The following MAN1A1 variants were observed in gnomAD, a reference collection of about 807,000 sequenced individuals.
MAN1A1 encodes mannosidase alpha class 1A member 1.
A neutral mutation model predicts 70.8 loss-of-function variants in MAN1A1; 29 were observed. The ratio of observed to expected loss-of-function variants is 0.41; its 90% CI spans 0.31 to 0.56. The LOEUF (loss-of-function observed/expected upper bound fraction) is 0.56. Among genes scored for constraint, MAN1A1 ranks in the 20% least tolerant of loss-of-function variants. The pLI is 0.29. For missense variants in MAN1A1, 747 were observed against 841.3 expected (o/e 0.89, Z 1.39); for synonymous variants, 349 against 330.1 (o/e 1.06, Z -0.62).
intron 5 of MAN1A1, among the ~76,000 whole-genome samples, chr6:119,262,319 G>C (rs1775633867): frequency 6.6e-6 from 1 of 151,964 alleles, no homozygotes; most frequent in South Asian, 2.1e-4. Flanking sequence ...ATAACCATGG[G>C]AAAAAGAAAC....
At chr6:119,313,520 A>G (rs1282635978) in intron 2 of MAN1A1, among the ~76,000 whole-genome samples, 1 of 152,106 alleles carries the variant, frequency 6.6e-6, no homozygotes, top group Non-Finnish European at 1.5e-5. Context: ...AAGGTGTTCT[A>G]TTTTCAAGAT....
At chr6:119,269,894 C>T (rs1775869368) in intron 5 of MAN1A1, among the ~76,000 whole-genome samples, 1 of 152,212 alleles carries the variant, frequency 6.6e-6, no homozygotes, top group South Asian at 2.1e-4. Flanking sequence ...CTCCTGGGTT[C>T]AAGCTATCCT....
At chr6:119,265,547 A>T (rs1040570981) in intron 5 of MAN1A1, among the ~76,000 whole-genome samples, 1 of 152,196 alleles carries the variant, frequency 6.6e-6, no homozygotes, top group Non-Finnish European at 1.5e-5. Context: ...ATTTAAAAAA[A>T]TTTCCTAAGG....
chr6:119,324,696 A>AC (rs1773102065), intron 2 of MAN1A1, among the ~76,000 whole-genome samples: 1 of 152,244 alleles, frequency 6.6e-6, no homozygotes, highest in African/African-American at 2.4e-5. Context: ...TGTAGAACTC[A>AC]GAGCCCTATG....
intron 5 of MAN1A1, among the ~76,000 whole-genome samples, chr6:119,252,985 G>A (rs1775365219): frequency 6.6e-6 from 1 of 151,914 alleles, no homozygotes; most frequent in South Asian, 2.1e-4. Flanking sequence ...TTTGAGGCAA[G>A]TTGGAAAGGT....
In MAN1A1 at chr6:119,193,648, C is replaced by G. The variant is rs952033220; in HGVS notation, c.1326+129G>C. ...TTATTACGATGATATTAGCAGATAT[C>G]GAACTCTACCTAATTGGAAATACTT... On this transcript the variant is annotated intron_variant, in intron 9 of 12. Coordinates refer to ENST00000368468, the MANE Select transcript of MAN1A1 (RefSeq NM_005907.4). 3 of 560,014 alleles carry G rather than the reference C, an allele frequency of 5.4e-6. No homozygotes were observed. In the Admixed American group the frequency reaches 1.0e-4, roughly 19 times the overall value. The allele number at this position is 560,014 out of a possible 1,614,324, so 34.7% of individuals were successfully genotyped here.
Position 119,313,645 on chromosome 6 carries a change from C to T in MAN1A1, c.604-6653G>A, listed in dbSNP as rs150671008. Among the ~76,000 whole-genome samples the T allele has an allele frequency of 6.4e-3, 947 of 147,604 alleles. 6 individuals carry two copies. The highest frequency in any genetic ancestry group is 0.022 in the African/African-American group (896 of 39,868). ...AGATTTAGGAAATGGAAATATTACA[C>T]AGAACCTACTTATACTAAAAAAAAA... is the stretch of plus-strand genomic sequence containing the variant. On this transcript the variant is annotated intron_variant, in intron 2 of 12. Transcript: ENST00000368468.
chr6:119,289,878 G>A (rs893537722), intron 5 of MAN1A1, among the ~76,000 whole-genome samples: 1 of 152,074 alleles, frequency 6.6e-6, no homozygotes, highest in Middle Eastern at 3.4e-3. Context: ...TTCCCCAGCC[G>A]GAATGCTGAG....
At position 119,329,286 on chromosome 6, in the gene MAN1A1, G is replaced by C. The variant is rs1582809208; in HGVS notation, c.603+19177C>G. Reference sequence around the variant, plus strand: ...TGAGTACTGATTCATAAGACAGCCTGTCTGCAGAGGAAAGAATAAAGCATG... The same window carrying C: ...TGAGTACTGATTCATAAGACAGCCTCTCTGCAGAGGAAAGAATAAAGCATG... On this transcript the variant is annotated intron_variant, in intron 2 of 12. Transcript: ENST00000368468. Among the ~76,000 whole-genome samples, 4 of 152,290 alleles carry C rather than the reference G, an allele frequency of 2.6e-5. No homozygotes were observed. The South Asian group carries it at 8.3e-4, about 32-fold the overall frequency.
chr6:119,202,865 T>C (rs1773752204), intron 7 of MAN1A1, among the ~76,000 whole-genome samples: 1 of 152,202 alleles, frequency 6.6e-6, no homozygotes, highest in South Asian at 2.1e-4. Flanking sequence ...CCTAATTTCA[T>C]ATGCTGAAAC....
intron 5 of MAN1A1, among the ~76,000 whole-genome samples, chr6:119,249,739 C>G (rs1179081131): frequency 6.6e-6 from 1 of 152,086 alleles, no homozygotes; most frequent in Non-Finnish European, 1.5e-5. Context: ...CTTGGGCTCC[C>G]AGACTGAAGG....
At chr6:119,303,718 C>T (rs1239092139) in intron 3 of MAN1A1, among the ~76,000 whole-genome samples, 3 of 152,118 alleles carry the variant, frequency 2.0e-5, no homozygotes, top group African/African-American at 7.2e-5. Context: ...AGTCAGCAAC[C>T]CAGCTATTGT....
chr6:119,206,443 G>A (rs923515933), intron 6 of MAN1A1, among the ~76,000 whole-genome samples: 2 of 152,152 alleles, frequency 1.3e-5, no homozygotes, highest in Non-Finnish European at 2.9e-5. Context: ...GCAGTCCTGG[G>A]CTCGCCTCAC....
chr6:119,180,262 G>T, intron 12 of MAN1A1, 50 bp downstream of exon 12: 2 of 1,240,964 alleles, frequency 1.6e-6, no homozygotes, highest in Non-Finnish European at 2.4e-6. Context: ...CATCTACAAA[G>T]ATCTGTTCAG....
chr6:119,290,832 T>C (rs1277201585), intron 4 of MAN1A1, 69 bp from the exon 5 acceptor site: 9 of 955,342 alleles, frequency 9.4e-6, no homozygotes, highest in Non-Finnish European at 1.5e-5. Flanking sequence ...TGATAAATTA[T>C]ACTAAATACT....
intron 5 of MAN1A1, among the ~76,000 whole-genome samples, chr6:119,281,281 T>G (rs1212255720): frequency 1.3e-5 from 2 of 152,208 alleles, no homozygotes; most frequent in East Asian, 3.8e-4. Context: ...CAAAGTTATC[T>G]TCTCAGTAAT....
At chr6:119,233,802 C>T (rs1469827539) in intron 6 of MAN1A1, among the ~76,000 whole-genome samples, 1 of 152,222 alleles carries the variant, frequency 6.6e-6, no homozygotes, top group Non-Finnish European at 1.5e-5. Flanking sequence ...GGGACCCTCA[C>T]TGTTCTACAG....
intron 8 of MAN1A1, among the ~76,000 whole-genome samples, chr6:119,194,430 C>A (rs1373815393): frequency 6.6e-6 from 1 of 152,072 alleles, no homozygotes; most frequent in East Asian, 1.9e-4. Flanking sequence ...CTCAAGTGAT[C>A]CTCCTGCTTC....
At chr6:119,206,957 T>C (rs1773877595) in intron 6 of MAN1A1, among the ~76,000 whole-genome samples, 1 of 152,192 alleles carries the variant, frequency 6.6e-6, no homozygotes, top group Non-Finnish European at 1.5e-5. Flanking sequence ...CTTCCAGATC[T>C]TCAGGGACTG....
Sources: allele counts gnomAD v4.1 joint callset (sites outside exome capture counted in the v4.1 genomes callset), GRCh38; gene constraint gnomAD v4.1.1; transcripts MANE v1.5; gene names NCBI Gene and HGNC (gene_info 2026-07-23, HGNC 2026-07-21).